The following SEM1 variants were observed in gnomAD, a reference collection of about 807,000 sequenced individuals.
The protein encoded by SEM1 is SEM1 26S proteasome subunit.
A neutral mutation model predicts 12.7 loss-of-function variants in SEM1; 3 were observed. That is an observed-to-expected ratio of 0.24 (90% CI 0.11 to 0.61). The LOEUF (loss-of-function observed/expected upper bound fraction) is 0.61. Ranked by LOEUF, SEM1 falls within the 20% of genes least tolerant of loss-of-function variation. The pLI, the probability that SEM1 is intolerant of heterozygous loss-of-function variation, is 0.88. For synonymous variants in SEM1, 30 were observed against 27.8 expected (o/e 1.08, Z -0.25); for missense variants, 59 against 81.3 (o/e 0.73, Z 1.06).
intron 2 of SEM1, among the ~76,000 whole-genome samples, chr7:96,597,618 T>C (rs1807044039): frequency 6.6e-6 from 1 of 151,936 alleles, no homozygotes; most frequent in African/African-American, 2.4e-5. Context: ...ACTTTATTTA[T>C]GTTTTGGTTT....
chr7:96,499,386 C>T (rs1034167974), upstream of SEM1, among the ~76,000 whole-genome samples: 2 of 151,928 alleles, frequency 1.3e-5, no homozygotes, highest in African/African-American at 2.4e-5. Flanking sequence ...AGATTCTTGC[C>T]GTAATACTCC....
chr7:96,583,056 TGTGATGTTAG>T (rs1806476660), intron 2 of SEM1, among the ~76,000 whole-genome samples: 4 of 152,214 alleles, frequency 2.6e-5, no homozygotes, highest in African/African-American at 4.8e-5. Context: ...TTCCTTTAAT[TGTGATGTTAG>T]GGTGTCAATT....
intron 2 of SEM1, among the ~76,000 whole-genome samples, chr7:96,513,042 G>A (rs1024453331): frequency 6.6e-6 from 1 of 152,100 alleles, no homozygotes; most frequent in Non-Finnish European, 1.5e-5. Flanking sequence ...TTGGAAACAG[G>A]ATCTTTGCAG....
At chr7:96,693,147 C>G (rs1249205048) in intron 2 of SEM1, among the ~76,000 whole-genome samples, 1 of 151,934 alleles carries the variant, frequency 6.6e-6, no homozygotes, top group Non-Finnish European at 1.5e-5. Context: ...TATTAGAAAT[C>G]AAAGTTTAAA....
chr7:96,564,334 G>T (rs1270500656), intron 2 of SEM1, among the ~76,000 whole-genome samples: 3 of 151,910 alleles, frequency 2.0e-5, no homozygotes, highest in Admixed American at 6.6e-5. Context: ...ACAGTAGTAT[G>T]AGAATGTGCA....
intron 2 of SEM1, among the ~76,000 whole-genome samples, chr7:96,655,989 CAG>C (rs1809167872): frequency 6.6e-6 from 1 of 152,274 alleles, no homozygotes; most frequent in African/African-American, 2.4e-5. Flanking sequence ...ATTCCCACAA[CAG>C]ATTCTTCACA....
At chr7:96,683,458 T>C (rs190000593) in intron 2 of SEM1, among the ~76,000 whole-genome samples, 266 of 152,268 alleles carry the variant, frequency 1.7e-3, no homozygotes, top group African/African-American at 6.2e-3. Context: ...AGTTCAACCA[T>C]TGTGGAAGTC....
intron 2 of SEM1, among the ~76,000 whole-genome samples, chr7:96,567,671 A>AT (rs913340767): frequency 3.3e-5 from 5 of 151,544 alleles, no homozygotes; most frequent in African/African-American, 1.2e-4. Flanking sequence ...TCTATTTATT[A>AT]TTTTTTTATC....
intron 2 of SEM1, among the ~76,000 whole-genome samples, chr7:96,677,745 G>T (rs866927540): frequency 6.6e-6 from 1 of 151,694 alleles, no homozygotes; most frequent in South Asian, 2.1e-4. Flanking sequence ...TCACCAAGAC[G>T]GCAGAAAAAT....
At chr7:96,485,313 A>G (rs895684547) in intron 2 of SEM1, among the ~76,000 whole-genome samples, 4 of 152,112 alleles carry the variant, frequency 2.6e-5, no homozygotes, top group Admixed American at 2.6e-4. Flanking sequence ...GGAGGTCAGA[A>G]GCCTAAAACA....
intron 2 of SEM1, among the ~76,000 whole-genome samples, chr7:96,571,689 G>A (rs969019086): frequency 4.6e-5 from 7 of 151,716 alleles, no homozygotes; most frequent in South Asian, 2.1e-4. Context: ...TGCTGGATTC[G>A]GTTTGCCAAT....
chr7:96,596,703 C>T (rs1379516796), intron 2 of SEM1, among the ~76,000 whole-genome samples: 1 of 152,120 alleles, frequency 6.6e-6, no homozygotes, highest in Non-Finnish European at 1.5e-5. Context: ...TCAGAAGTCA[C>T]GTGCTAAATT....
chr7:96,708,953 A>T (rs975601407), intron 1 of SEM1, among the ~76,000 whole-genome samples: 1 of 152,172 alleles, frequency 6.6e-6, no homozygotes, highest in Admixed American at 6.5e-5. Context: ...TAAAAAAAAA[A>T]ATGTGTAAGG....
chr7:96,525,048 G>A (rs1010844698), intron 2 of SEM1, among the ~76,000 whole-genome samples: 13 of 152,122 alleles, frequency 8.5e-5, no homozygotes, highest in Non-Finnish European at 1.6e-4. Context: ...AGTGCACTAC[G>A]GGTGGCTGAT....
Position 96,557,551 on chromosome 7 carries a change from C to G in SEM1, c.171-50853G>C, listed in dbSNP as rs1270256146. ...CTTGAGGAGGCAGTCTGCCCGTTCT[C>G]GTATTTCCAGCTGCGTGCTGGGAGA... On this transcript the variant is annotated intron_variant and NMD_transcript_variant, in intron 2 of 3. Transcript: ENST00000466986. 9.5e-4 allele frequency among the ~76,000 whole-genome samples: 84 copies of G among 88,318 alleles called. 17 individuals carry two copies. Among genetic ancestry groups the G allele is most frequent in the African/African-American group, 2.2e-3 (78 of 34,860 alleles). 57.9% of individuals were successfully genotyped at this position (88,318 alleles called of 152,430 possible). A position where few individuals can be genotyped will look rare whatever the true frequency, so the allele number is the denominator to read the frequency against.
chr7:96,522,724 C>CG (rs1011166308), intron 2 of SEM1, among the ~76,000 whole-genome samples: 3 of 50,000 alleles, frequency 6.0e-5, no homozygotes, highest in Non-Finnish European at 8.8e-5. Context: ...CTAAAAATAC[C>CG]CCCCCCCCAA....
At chr7:96,678,143 A>G (rs1248523177) in intron 2 of SEM1, among the ~76,000 whole-genome samples, 1 of 152,162 alleles carries the variant, frequency 6.6e-6, no homozygotes, top group African/African-American at 2.4e-5. Flanking sequence ...TCCATATTCA[A>G]AATTGGTGAA....
chr7:96,534,482 C>T (rs545434517), intron 2 of SEM1, among the ~76,000 whole-genome samples: 5 of 151,974 alleles, frequency 3.3e-5, no homozygotes, highest in African/African-American at 9.7e-5. Flanking sequence ...AAGGTCCATT[C>T]GAAGTGCAAA....
exon 4 of SEM1, chr7:96,483,828 C>T (rs1308678935): frequency 1.3e-6 from 2 of 1,536,262 alleles, no homozygotes. Context: ...CACCATATGA[C>T]CAGACTTCCA....
Sources: allele counts gnomAD v4.1 joint callset (sites outside exome capture counted in the v4.1 genomes callset), GRCh38; gene constraint gnomAD v4.1.1; transcripts MANE v1.5; gene names NCBI Gene and HGNC (gene_info 2026-07-23, HGNC 2026-07-21).